DBF4: variants seen among roughly 807,000 people sequenced by gnomAD.
DBF4 encodes the protein DBF4-CDC7 kinase regulatory subunit.
DBF4 carries 25 observed loss-of-function variants against 76.6 expected under a neutral mutation model. That is an observed-to-expected ratio of 0.33 (90% CI 0.24 to 0.46). The LOEUF (loss-of-function observed/expected upper bound fraction) is 0.46. Among genes scored for constraint, DBF4 ranks in the 20% least tolerant of loss-of-function variants. The probability of loss-of-function intolerance (pLI) is 1.00; values close to 1 mark genes in which losing one functional copy is unlikely to be tolerated. For missense variants in DBF4, 638 were observed against 760.8 expected, an observed-to-expected ratio of 0.84 and a Z score of 1.90; for synonymous variants, 213 against 258.0, an observed-to-expected ratio of 0.83 and a Z score of 1.67.
chr7:87,892,546 C>T (rs1584362168), intron 6 of DBF4, among the ~76,000 whole-genome samples: 2 of 152,148 alleles, frequency 1.3e-5, no homozygotes, highest in East Asian at 3.8e-4. Context: ...ATGTAAATAT[C>T]CACGTGCAGG....
At chr7:87,904,578 A>G (rs947761908) in intron 11 of DBF4, among the ~76,000 whole-genome samples, 162 bp downstream of exon 11, 2 of 151,832 alleles carry the variant, frequency 1.3e-5, no homozygotes, top group Non-Finnish European at 2.9e-5. Context: ...CATCTCTACT[A>G]AAAAAATAAA....
chr7:87,901,956 G>T (rs1054734935), intron 10 of DBF4, among the ~76,000 whole-genome samples: 3 of 152,162 alleles, frequency 2.0e-5, no homozygotes, highest in Admixed American at 2.0e-4. Context: ...TTAGTGTTTT[G>T]TGTCAGTTTT....
intron 9 of DBF4, 72 bp downstream of exon 9, chr7:87,900,421 AAT>A (rs972644017): frequency 3.2e-5 from 47 of 1,481,220 alleles, no homozygotes; most frequent in Non-Finnish European, 3.9e-5. Context: ...AAAGATTTGA[AAT>A]AGTTTCATTT....
intron 10 of DBF4, among the ~76,000 whole-genome samples, chr7:87,901,997 T>C (rs1229244247): frequency 1.3e-5 from 2 of 152,174 alleles, no homozygotes; most frequent in African/African-American, 4.8e-5. Flanking sequence ...AAGAAAACTA[T>C]GATTAGTCTA....
chr7:87,887,786 G>A (rs1839393844), intron 5 of DBF4, among the ~76,000 whole-genome samples, 197 bp from the exon 6 acceptor site: 1 of 151,848 alleles, frequency 6.6e-6, no homozygotes, highest in Admixed American at 6.6e-5. Context: ...CCTCTTAAAG[G>A]TCCCATCTCT....
chr7:87,889,801 A>G (rs1392741490), intron 6 of DBF4, among the ~76,000 whole-genome samples: 2 of 152,244 alleles, frequency 1.3e-5, no homozygotes, highest in African/African-American at 2.4e-5. Context: ...TGTAGGTTGA[A>G]AAGTGAATGG....
intron 6 of DBF4, among the ~76,000 whole-genome samples, chr7:87,894,428 C>T (rs1056926816): frequency 2.6e-5 from 4 of 151,482 alleles, no homozygotes; most frequent in Non-Finnish European, 4.4e-5. Context: ...CCACTGCTTG[C>T]GACAGGGCAA....
At chr7:87,876,839 C>A in intron 1 of DBF4, 61 bp downstream of exon 1, 1 of 1,580,552 alleles carries the variant, frequency 6.3e-7, no homozygotes, top group South Asian at 1.1e-5. Flanking sequence ...GTGGTTCCAC[C>A]ATTGATTCTT....
At chr7:87,891,359 T>A (rs949053322) in intron 6 of DBF4, among the ~76,000 whole-genome samples, 5 of 152,144 alleles carry the variant, frequency 3.3e-5, no homozygotes, top group Admixed American at 2.6e-4. Context: ...TTTATAGAAT[T>A]GTTTTTATTT....
Position 87,880,806 on chromosome 7 carries a change from G to A in DBF4, c.219+2581G>A, listed in dbSNP as rs951133467. 2.6e-5 allele frequency among the ~76,000 whole-genome samples: 4 copies of A among 152,006 alleles called. No homozygotes were observed. The East Asian group carries it at 7.7e-4, about 29-fold the overall frequency. On this transcript the variant is annotated intron_variant, in intron 2 of 11. Transcript: ENST00000265728. Reference sequence around the variant, plus strand: ...TACCTTTAATAGTGCAAGAAAAGTAGGTGTTACAGAACCATCTAAGGAGGA... The same window carrying A: ...TACCTTTAATAGTGCAAGAAAAGTAAGTGTTACAGAACCATCTAAGGAGGA...
chr7:87,885,321 G>T (rs1373428870), intron 3 of DBF4, 163 bp downstream of exon 3: 27 of 541,342 alleles, frequency 5.0e-5, no homozygotes, highest in Non-Finnish European at 8.2e-5. Flanking sequence ...CTTTTAGGAA[G>T]GTGGGTTTTT....
chr7:87,907,398 A>T lies in DBF4; in HGVS notation c.1260A>T (p.Ser420=). ...LFISEPIPHP[S]NELRGLNEKM... ...TTTCAGAGCCCATCCCCCACCCTTC[A>T]AATGAATTGAGAGGGCTTAATGAGA... is the stretch of plus-strand genomic sequence containing the variant. Residue 420 remains serine, a synonymous_variant, in exon 12 of 12, where the codon TCA becomes TCT. Transcript: ENST00000265728. The T allele has an allele frequency of 1.2e-6, 2 of 1,614,066 alleles. No homozygotes were observed. Among genetic ancestry groups the T allele is most frequent in the Non-Finnish European group, 8.5e-7 (1 of 1,179,958 alleles).
At chr7:87,879,347 CT>C (rs1199780759) in intron 2 of DBF4, among the ~76,000 whole-genome samples, 1 of 152,146 alleles carries the variant, frequency 6.6e-6, no homozygotes, top group Non-Finnish European at 1.5e-5. Context: ...AGTTATTCTA[CT>C]TTTTTACTAT....
intron 10 of DBF4, among the ~76,000 whole-genome samples, chr7:87,901,167 A>C (rs958514277): frequency 6.6e-6 from 1 of 152,170 alleles, no homozygotes; most frequent in East Asian, 1.9e-4. Context: ...CCACAGGATA[A>C]AAGAAGAATA....
intron 2 of DBF4, among the ~76,000 whole-genome samples, chr7:87,883,875 G>A (rs182068556): frequency 1.3e-4 from 20 of 152,034 alleles, no homozygotes; most frequent in Admixed American, 1.2e-3. Context: ...TGCTTAGTGG[G>A]TATTTATAGT....
chr7:87,904,223 C>G, intron 10 of DBF4, 69 bp from the exon 11 acceptor site: 1 of 1,481,938 alleles, frequency 6.7e-7, no homozygotes, highest in Non-Finnish European at 9.0e-7. Context: ...TGTTAGAAAA[C>G]CTTAATTAAA....
intron 6 of DBF4, chr7:87,888,333 T>A (rs17150009): frequency 0.077 from 75,147 of 981,618 alleles, 4,797 homozygotes; most frequent in African/African-American, 0.31. Context: ...TGTAGAAAAA[T>A]CACTAAAATC....
At chr7:87,900,470 C>G (rs1396990867) in intron 9 of DBF4, 121 bp downstream of exon 9, 5 of 1,177,354 alleles carry the variant, frequency 4.2e-6, no homozygotes, top group Non-Finnish European at 5.9e-6. Flanking sequence ...AATTACTATT[C>G]TGATTACTTT....
Position 87,904,349 on chromosome 7 carries a change from G to A in DBF4, c.982G>A (p.Asp328Asn). The A allele has an allele frequency of 6.2e-7, 1 of 1,613,900 alleles. No homozygotes were observed. The highest frequency in any genetic ancestry group is 8.5e-7 in the Non-Finnish European group (1 of 1,179,880). Residue 328 changes from aspartate (D) to asparagine (N), a missense_variant, in exon 11 of 12, where the codon GAT (aspartate) becomes AAT (asparagine). Asp to Asn is a conservative substitution (Grantham distance 23, BLOSUM62 1). Coordinates refer to ENST00000265728, the MANE Select transcript of DBF4 (RefSeq NM_006716.4). ...FAQSNQYQVV[D>N]DIVSKLVFDF... ...ACAGAGTAACCAGTATCAAGTTGTTGATGATATTGTATCTAAGTTAGTTTT... is the reference window on the plus strand; with the variant it reads ...ACAGAGTAACCAGTATCAAGTTGTTAATGATATTGTATCTAAGTTAGTTTT...
Sources: allele counts gnomAD v4.1 joint callset (sites outside exome capture counted in the v4.1 genomes callset), GRCh38; gene constraint gnomAD v4.1.1; transcripts MANE v1.5; gene names NCBI Gene and HGNC (gene_info 2026-07-23, HGNC 2026-07-21).